Variants in RSPO4 observed in about 807,000 individuals in gnomAD.
RSPO4 encodes R-spondin 4.
In RSPO4, 23 loss-of-function variants were observed where a neutral mutation model predicts 24.8. The ratio of observed to expected loss-of-function variants is 0.93; its 90% confidence interval spans 0.67 to 1.31. RSPO4 has a LOEUF of 1.31. Among genes scored for constraint, RSPO4 ranks in the 40% most tolerant of loss-of-function variants. The probability of loss-of-function intolerance (pLI) is 0.00; values close to 1 mark genes in which losing one functional copy is unlikely to be tolerated. For synonymous variants in RSPO4, 141 were observed against 127.4 expected, an observed-to-expected ratio of 1.11 and a Z score of -0.72; for missense variants, 333 against 316.5, an observed-to-expected ratio of 1.05 and a Z score of -0.39.
chr20:992,545 C>T (rs77138879), intron 1 of RSPO4, among the ~76,000 whole-genome samples: 8 of 152,168 alleles, frequency 5.3e-5, no homozygotes, highest in Non-Finnish European at 7.3e-5. Context: ...CCCCCCATGA[C>T]GCATGACAGT....
chr20:964,090 C>T lies in RSPO4; in HGVS notation c.440G>A (p.Trp147Ter). Residue 147 changes from tryptophan (W) to a stop codon, truncating the protein, a stop_gained, in exon 4 of 5, where the codon TGG (tryptophan) becomes TAG (stop). Transcript: ENST00000217260. LOFTEE classifies it high-confidence loss of function. ...CTTTCCATTGTGTGTGCAGGGGCTCCAGCCGCCCCAGGGACCCAGTTCACA... is the reference window on the plus strand; with the variant it reads ...CTTTCCATTGTGTGTGCAGGGGCTCTAGCCGCCCCAGGGACCCAGTTCACA... ...GECELGPWGGWSPCTHNGKTC... is the reference protein window; with the variant it reads ...GECELGPWGG 1 of 1,613,324 alleles carries T rather than the reference C, an allele frequency of 6.2e-7. No homozygotes were observed. Among genetic ancestry groups the T allele is most frequent in the Non-Finnish European group, 8.5e-7 (1 of 1,179,770 alleles).
intron 1 of RSPO4, among the ~76,000 whole-genome samples, chr20:978,548 GT>G (rs1236625134): frequency 3.3e-5 from 5 of 152,124 alleles, no homozygotes; most frequent in Non-Finnish European, 7.3e-5. Flanking sequence ...TGCATGAACG[GT>G]GGCTCAATAA....
chr20:965,462 C>A (rs1714218681), intron 3 of RSPO4, among the ~76,000 whole-genome samples: 1 of 152,202 alleles, frequency 6.6e-6, no homozygotes, highest in African/African-American at 2.4e-5. Flanking sequence ...GTGGGCTCCG[C>A]CCAAGGGCAG....
chr20:998,937 G>C (rs919026119), intron 1 of RSPO4, among the ~76,000 whole-genome samples: 2 of 151,772 alleles, frequency 1.3e-5, no homozygotes, highest in African/African-American at 4.8e-5. Context: ...TATGAGAAAT[G>C]GTCTCTGATG....
chr20:961,025 G>A lies in RSPO4; in HGVS notation c.596-559C>T, dbSNP rs759714130. ...TAGGGTCTGAGCCACACCCAGTCCC[G>A]TCTTCTCCAATTGTCCTCTCTTTCT... is the stretch of plus-strand genomic sequence containing the variant. On this transcript the variant is annotated intron_variant, in intron 4 of 4. Coordinates refer to ENST00000217260, the MANE Select transcript of RSPO4 (RefSeq NM_001029871.4). Among the ~76,000 whole-genome samples the A allele has an allele frequency of 5.3e-5, 8 of 152,082 alleles. No individual in the cohort carries two copies. In the East Asian group the frequency reaches 9.6e-4, roughly 18 times the overall value.
At chr20:965,263 C>T (rs374014506) in intron 3 of RSPO4, among the ~76,000 whole-genome samples, 20 of 125,300 alleles carry the variant, frequency 1.6e-4, no homozygotes, top group Admixed American at 7.5e-4. Flanking sequence ...GGTGGGATGG[C>T]GGGGAAGGGG....
At chr20:972,965 G>A (rs1325233468) in intron 1 of RSPO4, among the ~76,000 whole-genome samples, 1 of 152,194 alleles carries the variant, frequency 6.6e-6, no homozygotes, top group Non-Finnish European at 1.5e-5. Context: ...CCTGAAAAAC[G>A]AATCTGTGGA....
At chr20:982,653 C>T (rs539198515) in intron 1 of RSPO4, among the ~76,000 whole-genome samples, 5 of 152,236 alleles carry the variant, frequency 3.3e-5, no homozygotes, top group South Asian at 4.2e-4. Flanking sequence ...GGCTTTGTCC[C>T]GTAGTGGGCT....
At chr20:973,803 T>TTCAATACCCTGGTCTTTGAAGG (rs376296218) in intron 1 of RSPO4, among the ~76,000 whole-genome samples, 1 of 152,178 alleles carries the variant, frequency 6.6e-6, no homozygotes, top group African/African-American at 2.4e-5. Flanking sequence ...CTTAGCATCC[T>TTCAATACCCTGGTCTTTGAAGG]TCAATACCCT....
At chr20:1,001,598 G>A (rs975690025) in intron 1 of RSPO4, among the ~76,000 whole-genome samples, 1 of 152,166 alleles carries the variant, frequency 6.6e-6, no homozygotes, top group African/African-American at 2.4e-5. Flanking sequence ...GGGCCATGGA[G>A]GATCACTGCC....
At chr20:1,001,755 C>T (rs928909388) in intron 1 of RSPO4, among the ~76,000 whole-genome samples, 1 of 152,170 alleles carries the variant, frequency 6.6e-6, no homozygotes, top group Non-Finnish European at 1.5e-5. Context: ...GTCTCCTAGT[C>T]CCTGTGCCCC....
Position 970,886 on chromosome 20 carries a change from G to T in RSPO4, c.80-2748C>A, listed in dbSNP as rs1446412052. Among the ~76,000 whole-genome samples, 9 of 152,268 alleles carry T rather than the reference G, an allele frequency of 5.9e-5. No homozygotes were observed. Among genetic ancestry groups the T allele is most frequent in the African/African-American group, 2.2e-4 (9 of 41,544 alleles). On this transcript the variant is annotated intron_variant, in intron 1 of 4. Transcript: ENST00000217260. The surrounding 1 kb of genome is among the most constrained non-coding windows in gnomAD (Gnocchi z 4.1). Reference sequence around the variant, plus strand: ...AGACAGGATCTTGCTCTGTCACCCAGGCTCCAGTGCAGTGGCATGATCCTA... The same window carrying T: ...AGACAGGATCTTGCTCTGTCACCCATGCTCCAGTGCAGTGGCATGATCCTA...
At chr20:960,555 C>G (rs1983960307) in intron 4 of RSPO4, 89 bp from the exon 5 acceptor site, 1 of 912,932 alleles carries the variant, frequency 1.1e-6, no homozygotes, top group African/African-American at 1.6e-5. Flanking sequence ...CAAGGGTGCC[C>G]CACCCACTCC....
intron 4 of RSPO4, 42 bp from the exon 5 acceptor site, chr20:960,508 C>CCCTG: frequency 7.1e-7 from 1 of 1,418,334 alleles, no homozygotes; most frequent in Non-Finnish European, 9.6e-7. Flanking sequence ...GGCTGCAGGG[C>CCCTG]CAGTTAGGTC....
At chr20:983,302 G>A (rs912587256) in intron 1 of RSPO4, among the ~76,000 whole-genome samples, 1 of 151,876 alleles carries the variant, frequency 6.6e-6, no homozygotes, top group Non-Finnish European at 1.5e-5. Flanking sequence ...GTTTCCTATC[G>A]GAAAAGCAGA....
intron 1 of RSPO4, among the ~76,000 whole-genome samples, chr20:986,051 C>T (rs761242160): frequency 6.6e-6 from 1 of 152,232 alleles, no homozygotes; most frequent in Non-Finnish European, 1.5e-5. Flanking sequence ...TTGAAGGAGG[C>T]TCTTGAGCTT....
In RSPO4 at chr20:993,326, G is replaced by A. The variant is rs536659151; in HGVS notation, c.79+8760C>T. ...GGCCCAGCATGGGACAGCAGTGTCC[G>A]GGTGGAGTTGGCGTCACCCATCCGG... On this transcript the variant is annotated intron_variant, in intron 1 of 4. Coordinates refer to ENST00000217260, the MANE Select transcript of RSPO4 (RefSeq NM_001029871.4). 3.5e-4 allele frequency among the ~76,000 whole-genome samples: 53 copies of A among 152,358 alleles called. 1 individual carries two copies. The South Asian group carries it at 5.6e-3, about 16-fold the overall frequency.
Position 960,214 on chromosome 20 carries a change from CAG to C in RSPO4, c.*141_*142del. 1 of 629,974 alleles carries C rather than the reference CAG, an allele frequency of 1.6e-6. No individual in the cohort carries two copies. The highest frequency in any genetic ancestry group is 2.7e-5 in the Admixed American group (1 of 36,662). 39.0% of individuals were successfully genotyped at this position (629,974 alleles called of 1,614,324 possible). ...GAAAAAGAAAGGGAAGGTAGACTGACAGAAAAATGATAGAAGGGTGGAAAGAA... is the reference window on the plus strand; with the variant it reads ...GAAAAAGAAAGGGAAGGTAGACTGACAAAAATGATAGAAGGGTGGAAAGAA... On this transcript the variant is annotated 3_prime_UTR_variant, in exon 5 of 5. Transcript: ENST00000217260.
At chr20:995,253 T>C (rs1273117798) in intron 1 of RSPO4, among the ~76,000 whole-genome samples, 4 of 152,228 alleles carry the variant, frequency 2.6e-5, no homozygotes, top group Admixed American at 6.5e-5. Flanking sequence ...AGGTGGTTAA[T>C]GGCAGCATTA....
Sources: allele counts gnomAD v4.1 joint callset (sites outside exome capture counted in the v4.1 genomes callset), GRCh38; gene constraint gnomAD v4.1.1; non-coding constraint Gnocchi (gnomAD v3.1); transcripts MANE v1.5; gene names NCBI Gene and HGNC (gene_info 2026-07-23, HGNC 2026-07-21).